CHRNG: variants seen among roughly 807,000 people sequenced by gnomAD.
CHRNG encodes the protein acetylcholine receptor subunit gamma.
In CHRNG, 72 loss-of-function variants were observed where a neutral mutation model predicts 65.2. The observed-to-expected ratio is 1.10, with a 90% confidence interval of 0.91 to 1.34. The LOEUF (loss-of-function observed/expected upper bound fraction) is 1.34. Ranked by LOEUF, CHRNG falls within the 40% of genes most tolerant of loss-of-function variation. The pLI is 0.00. For missense variants in CHRNG, 637 were observed against 680.1 expected, an observed-to-expected ratio of 0.94 and a Z score of 0.70; for synonymous variants, 284 against 290.2, an observed-to-expected ratio of 0.98 and a Z score of 0.22.
rs376736752 is a variant in CHRNG at position 232,541,359 on chromosome 2, G to T, written c.351-15G>T. ...AGCCCACAGCCTCGTGGCCTGGCCT[G>T]TTCTGTGCATACAGCGTGGACGGTG... On this transcript the variant is annotated splice_polypyrimidine_tract_variant and intron_variant, in intron 4 of 11. Transcript: ENST00000651502. The surrounding 1 kb of genome is among the most constrained non-coding windows in gnomAD (Gnocchi z 4.0). 3.4e-5 allele frequency: 55 copies of T among 1,613,974 alleles called. No individual in the cohort carries two copies. The African/African-American group carries it at 6.8e-4, about 20-fold the overall frequency.
Position 232,545,708 on chromosome 2 carries a change from C to T in CHRNG, c.1546C>T (p.Pro516Ser). The T allele has an allele frequency of 6.2e-7, 1 of 1,614,148 alleles. No homozygotes were observed. The highest frequency in any genetic ancestry group is 1.6e-4 in the Middle Eastern group (1 of 6,062). The change falls in exon 12 of 12, where the codon CCA (proline) becomes TCA (serine). Residue 516 changes from proline to serine, a missense_variant. Transcript: ENST00000651502. Reference protein sequence around the residue: ...PGDPRPYLPSPD With the variant: ...PGDPRPYLPSSD ...AGATCCACGCCCCTACCTGCCCTCA[C>T]CAGACTGAGCCAACCAACCACTGTG...
At position 232,541,354 on chromosome 2, in the gene CHRNG, G is replaced by T; in HGVS notation, c.351-20G>T. 6.2e-7 allele frequency: 1 copy of T among 1,613,918 alleles called. No individual in the cohort carries two copies. On this transcript the variant is annotated intron_variant, in intron 4 of 11. Transcript: ENST00000651502. This position sits in a 1 kb window ranked among gnomAD's most constrained non-coding sequence, Gnocchi z 4.0. ...GGCTGAGCCCACAGCCTCGTGGCCT[G>T]GCCTGTTCTGTGCATACAGCGTGGA...
Position 232,540,847 on chromosome 2 carries a change from G to A in CHRNG, c.350+136G>A, listed in dbSNP as rs1001054046. On this transcript the variant is annotated intron_variant, in intron 4 of 11. Coordinates refer to ENST00000651502, the MANE Select transcript of CHRNG (RefSeq NM_005199.5). This position sits in a 1 kb window ranked among gnomAD's most constrained non-coding sequence, Gnocchi z 4.2. ...GCACCTGTGGGGCTAGGGAAGAACT[G>A]GATGGAGCAGGTGCCGAGGGCAGGG... 1.2e-6 allele frequency: 1 copy of A among 813,422 alleles called. No individual in the cohort carries two copies. Among genetic ancestry groups the A allele is most frequent in the Non-Finnish European group, 2.0e-6 (1 of 499,358 alleles). 50.4% of individuals were successfully genotyped at this position (813,422 alleles called of 1,614,324 possible).
Position 232,545,692 on chromosome 2 carries a change from C to T in CHRNG, c.1530C>T (p.Arg510=), listed in dbSNP as rs750564080. ...VPALPFPGDP[R]PYLPSPD The stretch of plus-strand genomic sequence containing the variant: ...CCCTGCCATTCCCTGGAGATCCACG[C>T]CCCTACCTGCCCTCACCAGACTGAG... Residue 510 remains arginine (R), a synonymous_variant, in exon 12 of 12, where the codon CGC becomes CGT. Coordinates refer to ENST00000651502, the MANE Select transcript of CHRNG (RefSeq NM_005199.5). The T allele has an allele frequency of 2.5e-6, 4 of 1,614,224 alleles. No individual in the cohort carries two copies. Among genetic ancestry groups the T allele is most frequent in the South Asian group, 2.2e-5 (2 of 91,082 alleles).
Position 232,541,592 on chromosome 2 carries a change from G to C in CHRNG, c.506+63G>C, listed in dbSNP as rs1026101885. 2 of 1,592,130 alleles carry C rather than the reference G, an allele frequency of 1.3e-6. No individual in the cohort carries two copies. Among genetic ancestry groups the C allele is most frequent in the African/African-American group, 2.7e-5 (2 of 74,666 alleles). ...CTCAGAGGGGCCTGGGCAGTGGTGG[G>C]GTAAGGCCTGGGCAAGGCTTCTGGC... On this transcript the variant is annotated intron_variant, in intron 5 of 11. Transcript: ENST00000651502. This position sits in a 1 kb window ranked among gnomAD's most constrained non-coding sequence, Gnocchi z 4.0.
chr2:232,545,308 G>A (rs2106223481), intron 11 of CHRNG, among the ~76,000 whole-genome samples: 1 of 144,866 alleles, frequency 6.9e-6, no homozygotes, highest in South Asian at 2.3e-4. Context: ...TGAGACGTGA[G>A]ACTCCGTCTC....
Position 232,547,873 on chromosome 2 carries a change from G to A in CHRNG, c.*2157G>A. 1 of 383,376 alleles carries A rather than the reference G, an allele frequency of 2.6e-6. No individual in the cohort carries two copies. Among genetic ancestry groups the A allele is most frequent in the South Asian group, 1.2e-4 (1 of 8,684 alleles). 23.7% of individuals were successfully genotyped at this position (383,376 alleles called of 1,614,324 possible). ...CCATTACTATAAGTTACTGTCTCAT[G>A]GGATCCATACAGCAACCTAAGGAGG... On this transcript the variant is annotated 3_prime_UTR_variant, in exon 12 of 12. Transcript: ENST00000651502.
chr2:232,541,549 A>G lies in CHRNG; in HGVS notation c.506+20A>G. On this transcript the variant is annotated intron_variant, in intron 5 of 11. Transcript: ENST00000651502. This position sits in a 1 kb window ranked among gnomAD's most constrained non-coding sequence, Gnocchi z 4.0. Reference sequence around the variant, plus strand: ...CTTCCAGTGAGGCCATTTATTGGGGAGGATTAAGAGAGCTGCTCTCAGAGG... The same window carrying G: ...CTTCCAGTGAGGCCATTTATTGGGGGGGATTAAGAGAGCTGCTCTCAGAGG... 6.2e-7 allele frequency: 1 copy of G among 1,612,030 alleles called. No homozygotes were observed. Among genetic ancestry groups the G allele is most frequent in the Non-Finnish European group, 8.5e-7 (1 of 1,179,864 alleles).
Position 232,541,082 on chromosome 2 carries a change from G to T in CHRNG, c.351-292G>T, listed in dbSNP as rs938706935. 6.7e-6 allele frequency among the ~76,000 whole-genome samples: 1 copy of T among 150,284 alleles called. No individual in the cohort carries two copies. Among genetic ancestry groups the T allele is most frequent in the African/African-American group, 2.4e-5 (1 of 41,116 alleles). The stretch of plus-strand genomic sequence containing the variant: ...CACATGGTGTGGGCTTAACACATTA[G>T]TCGCTATTATGACTATTATTATTAT... On this transcript the variant is annotated intron_variant, in intron 4 of 11. Coordinates refer to ENST00000651502, the MANE Select transcript of CHRNG (RefSeq NM_005199.5). The surrounding 1 kb of genome is among the most constrained non-coding windows in gnomAD (Gnocchi z 4.0).
Position 232,541,702 on chromosome 2 carries a change from C to A in CHRNG, c.506+173C>A. ...TCAGGCTAAGACACCTGAAGGTGCC[C>A]AAGCTCTCCCTGCTAAGCCCGAGTC... On this transcript the variant is annotated intron_variant, in intron 5 of 11. Coordinates refer to ENST00000651502, the MANE Select transcript of CHRNG (RefSeq NM_005199.5). The surrounding 1 kb of genome is among the most constrained non-coding windows in gnomAD (Gnocchi z 4.0). 1.4e-6 allele frequency: 1 copy of A among 735,902 alleles called. No individual in the cohort carries two copies. Among genetic ancestry groups the A allele is most frequent in the Non-Finnish European group, 2.3e-6 (1 of 434,832 alleles). 45.6% of individuals were successfully genotyped at this position (735,902 alleles called of 1,614,324 possible). A position where few individuals can be genotyped will look rare whatever the true frequency, so the allele number is the denominator to read the frequency against.
chr2:232,540,494 G>A lies in CHRNG; in HGVS notation c.240+69G>A. 1.2e-6 allele frequency: 2 copies of A among 1,605,332 alleles called. No homozygotes were observed. The highest frequency in any genetic ancestry group is 2.2e-5 in the South Asian group (2 of 90,968). The stretch of plus-strand genomic sequence containing the variant: ...CCCACCACCCCAAGGCCTCCTGAGA[G>A]TTGCCTGCCCCGTTCCTGCCTCTTC... On this transcript the variant is annotated intron_variant, in intron 3 of 11. Coordinates refer to ENST00000651502, the MANE Select transcript of CHRNG (RefSeq NM_005199.5). The surrounding 1 kb of genome is among the most constrained non-coding windows in gnomAD (Gnocchi z 4.2).
chr2:232,540,506 G>A lies in CHRNG; in HGVS notation c.240+81G>A, dbSNP rs560299939. On this transcript the variant is annotated intron_variant, in intron 3 of 11. Transcript: ENST00000651502. The surrounding 1 kb of genome is among the most constrained non-coding windows in gnomAD (Gnocchi z 4.2). ...AGGCCTCCTGAGAGTTGCCTGCCCC[G>A]TTCCTGCCTCTTCTGTCCTCTTGGG... is the stretch of plus-strand genomic sequence containing the variant. The A allele has an allele frequency of 6.0e-5, 96 of 1,601,046 alleles. No individual in the cohort carries two copies. Among genetic ancestry groups the A allele is most frequent in the Middle Eastern group, 1.7e-4 (1 of 6,046 alleles).
Position 232,540,201 on chromosome 2 carries a change from C to G in CHRNG, c.195+70C>G. On this transcript the variant is annotated intron_variant, in intron 2 of 11. Transcript: ENST00000651502. The surrounding 1 kb of genome is among the most constrained non-coding windows in gnomAD (Gnocchi z 4.2). ...ACCTGCTGGGGATAGCATGGGGTGG[C>G]TCCAGCCACCAAGAGGTTGGAGGGC... The G allele has an allele frequency of 1.2e-6, 2 of 1,613,062 alleles. No individual in the cohort carries two copies. Among genetic ancestry groups the G allele is most frequent in the South Asian group, 1.1e-5 (1 of 90,988 alleles).
chr2:232,542,211 C>T (rs1177727653), intron 5 of CHRNG, among the ~76,000 whole-genome samples: 1 of 152,188 alleles, frequency 6.6e-6, no homozygotes, highest in Non-Finnish European at 1.5e-5. Flanking sequence ...CTGCAGCCTC[C>T]TGGGCCTTCA....
intron 6 of CHRNG, among the ~76,000 whole-genome samples, 174 bp downstream of exon 6, chr2:232,542,694 GATA>G (rs112102541): frequency 0.011 from 1,624 of 152,324 alleles, 29 homozygotes; most frequent in African/African-American, 0.037. Flanking sequence ...CTTTCCTCAT[GATA>G]ATGTCTCCAA....
In CHRNG at chr2:232,541,609, G is replaced by C. The variant is rs533839336; in HGVS notation, c.506+80G>C. ...AGTGGTGGGGTAAGGCCTGGGCAAG[G>C]CTTCTGGCCTTGGCTCTGGCAGCAC... On this transcript the variant is annotated intron_variant, in intron 5 of 11. Transcript: ENST00000651502. This position sits in a 1 kb window ranked among gnomAD's most constrained non-coding sequence, Gnocchi z 4.0. The C allele has an allele frequency of 6.4e-7, 1 of 1,553,540 alleles. No homozygotes were observed. The highest frequency in any genetic ancestry group is 1.1e-5 in the South Asian group (1 of 90,206).
chr2:232,541,468 G>T lies in CHRNG; in HGVS notation c.445G>T (p.Ala149Ser). Residue 149 changes from alanine to serine, a missense_variant, in exon 5 of 12, where the codon GCC (alanine) becomes TCC (serine). Transcript: ENST00000651502. This position sits in a 1 kb window ranked among gnomAD's most constrained non-coding sequence, Gnocchi z 4.0. ...YWLPPAIFRS[A>S]CSISVTYFPF... is the part of the protein sequence containing the mutation. ...GCTGCCGCCTGCCATCTTCCGTTCC[G>T]CCTGCTCTATCTCAGTCACCTACTT... 1.9e-6 allele frequency: 3 copies of T among 1,614,062 alleles called. No homozygotes were observed. The highest frequency in any genetic ancestry group is 2.5e-6 in the Non-Finnish European group (3 of 1,179,992).
chr2:232,544,809 CAGCCTGA>C lies in CHRNG; in HGVS notation c.1291_1297del (p.Leu431ArgfsTer103). 6.2e-7 allele frequency: 1 copy of C among 1,613,878 alleles called. No homozygotes were observed. The highest frequency in any genetic ancestry group is 8.5e-7 in the Non-Finnish European group (1 of 1,179,970). ...AGTTAGGGCTGAGCCAGTTCTGTGG[CAGCCTGA>C]AGCAGGCTGCCCCAGCCATCCAGGC... On this transcript the variant is annotated frameshift_variant, in exon 11 of 12. Coordinates refer to ENST00000651502, the MANE Select transcript of CHRNG (RefSeq NM_005199.5). LOFTEE classifies it high-confidence loss of function.
rs1489026386 is a variant in CHRNG, at chr2:232,545,900, G to A, written c.*184G>A. ...CTGAGCTGGAGTCCGAGAGTGGTTG[G>A]GGGTGGGCCGTGGCTAGTGTCCTGC... On this transcript the variant is annotated 3_prime_UTR_variant, in exon 12 of 12. Transcript: ENST00000651502. The A allele has an allele frequency of 2.1e-5, 15 of 731,432 alleles. No individual in the cohort carries two copies. Among genetic ancestry groups the A allele is most frequent in the Non-Finnish European group, 3.5e-5 (15 of 424,880 alleles). The allele number at this position is 731,432 out of a possible 1,614,324, so 45.3% of individuals were successfully genotyped here. A position where few individuals can be genotyped will look rare whatever the true frequency, so the allele number is the denominator to read the frequency against.
Sources: allele counts gnomAD v4.1 joint callset (sites outside exome capture counted in the v4.1 genomes callset), GRCh38; gene constraint gnomAD v4.1.1; non-coding constraint Gnocchi (gnomAD v3.1); transcripts MANE v1.5; gene names NCBI Gene and HGNC (gene_info 2026-07-23, HGNC 2026-07-21).